Variants in PNPLA2 observed in about 807,000 individuals in gnomAD.
PNPLA2 encodes the protein patatin like domain 2, triacylglycerol lipase, also known as patatin-like phospholipase domain-containing protein 2.
PNPLA2 carries 28 observed loss-of-function variants against 39.7 expected under a neutral mutation model. The ratio of observed to expected loss-of-function variants is 0.70; its 90% CI spans 0.52 to 0.97. The LOEUF (loss-of-function observed/expected upper bound fraction) is 0.97, where lower values mean the gene tolerates loss of function less well. Ranked by LOEUF, PNPLA2 falls within the 50% of genes least tolerant of loss-of-function variation. PNPLA2 has a pLI of 0.00. For missense variants in PNPLA2, 768 were observed against 698.2 expected, an observed-to-expected ratio of 1.10 and a Z score of -1.13; for synonymous variants, 392 against 321.1, an observed-to-expected ratio of 1.22 and a Z score of -2.36.
Position 823,576 on chromosome 11 carries a change from T to C in PNPLA2, c.746T>C (p.Leu249Pro). 6.2e-7 allele frequency: 1 copy of C among 1,610,398 alleles called. No homozygotes were observed. Among genetic ancestry groups the C allele is most frequent in the African/African-American group, 1.3e-5 (1 of 74,912 alleles). The part of the protein sequence containing the change: ...KQGYRDGLRF[L>P]QRNGLLNRPN... ...GGATACCGGGATGGCCTGCGCTTTC[T>C]GCAGCGGAACGGTGCGCGGACCCGG... The change falls in exon 6 of 10, where the codon CTG becomes CCG. Residue 249 changes from leucine (L) to proline (P), a missense_variant. By Grantham distance (98) the Leu-to-Pro change is moderately conservative. Coordinates refer to ENST00000336615, the MANE Select transcript of PNPLA2 (RefSeq NM_020376.4).
At chr11:821,226 G>A (rs1186842793) in intron 2 of PNPLA2, 3 of 299,070 alleles carry the variant, frequency 1.0e-5, no homozygotes, top group South Asian at 3.2e-5. Flanking sequence ...CAACACTCCC[G>A]GGCCTGTGAA....
chr11:819,959 C>A, intron 2 of PNPLA2, 54 bp downstream of exon 2: 1 of 1,255,692 alleles, frequency 8.0e-7, no homozygotes, highest in Non-Finnish European at 1.0e-6. Context: ...CCGTGCGGGG[C>A]CGGGGGATGG....
At position 824,846 on chromosome 11, in the gene PNPLA2, G is replaced by A; in HGVS notation, c.1499G>A (p.Gly500Glu). 6.5e-7 allele frequency: 1 copy of A among 1,534,474 alleles called. No homozygotes were observed. The highest frequency in any genetic ancestry group is 8.7e-7 in the Non-Finnish European group (1 of 1,146,016). ...GCTCCCGAGGCCCGGCCCGTGATCG[G>A]GGCCCTGGGGCTGTGAGACCCCGAC... The part of the protein sequence containing the change: ...TPAPEARPVI[G>E]ALGL The change falls in exon 10 of 10, where the codon GGG (glycine) becomes GAG (glutamate). Residue 500 changes from glycine to glutamate, a missense_variant. By Grantham distance (98) the Gly-to-Glu change is moderately conservative. Coordinates refer to ENST00000336615, the MANE Select transcript of PNPLA2 (RefSeq NM_020376.4).
Position 824,761 on chromosome 11 carries a change from G to A in PNPLA2, c.1414G>A (p.Ala472Thr), listed in dbSNP as rs1845828094. 3 of 1,555,842 alleles carry A rather than the reference G, an allele frequency of 1.9e-6. No individual in the cohort carries two copies. Among genetic ancestry groups the A allele is most frequent in the Middle Eastern group, 1.7e-4 (1 of 5,982 alleles). The change falls in exon 10 of 10, where the codon GCG becomes ACG. Residue 472 changes from alanine (A) to threonine (T), a missense_variant. Transcript: ENST00000336615. ...RAPADPAPAP[A>T]DPASPQHQLA... The stretch of plus-strand genomic sequence containing the variant: ...ACCCGCCGACCCGGCTCCCGCCCCC[G>A]CGGACCCAGCATCCCCGCAGCACCA...
rs1246779693 is a variant in PNPLA2, at chr11:824,301, G to C, written c.1053-13G>C. The C allele has an allele frequency of 1.9e-6, 3 of 1,550,426 alleles. No homozygotes were observed. Among genetic ancestry groups the C allele is most frequent in the Middle Eastern group, 1.9e-4 (1 of 5,282 alleles). On this transcript the variant is annotated splice_polypyrimidine_tract_variant and intron_variant, in intron 8 of 9. Coordinates refer to ENST00000336615, the MANE Select transcript of PNPLA2 (RefSeq NM_020376.4). ...GGCCAAGTCCCTGAACGCGCCGCTC[G>C]CCCTGTCCCCAGCTTGCTGGAGTGG...
intron 4 of PNPLA2, 24 bp downstream of exon 4, chr11:822,047 C>T (rs1469570078): frequency 2.5e-6 from 4 of 1,606,498 alleles, no homozygotes; most frequent in Non-Finnish European, 3.4e-6. Flanking sequence ...GCCCTGGACA[C>T]CTTCTATGGG....
intron 2 of PNPLA2, 55 bp downstream of exon 2, chr11:819,960 CG>C: frequency 9.6e-7 from 1 of 1,044,408 alleles, no homozygotes. Flanking sequence ...CGTGCGGGGC[CG>C]GGGGATGGTC....
intron 7 of PNPLA2, 69 bp downstream of exon 7, chr11:823,924 AG>A: frequency 6.5e-7 from 1 of 1,547,280 alleles, no homozygotes; most frequent in South Asian, 1.2e-5. Flanking sequence ...GAGGACGGTG[AG>A]CAGGGGAGGG....
chr11:822,190 C>T, intron 4 of PNPLA2, 167 bp downstream of exon 4: 1 of 767,604 alleles, frequency 1.3e-6, no homozygotes, highest in Non-Finnish European at 2.2e-6. Flanking sequence ...GCTTCCTGGC[C>T]CCCCATCCCT....
chr11:819,640 C>T lies in PNPLA2; in HGVS notation c.-79C>T. On this transcript the variant is annotated 5_prime_UTR_variant, in exon 2 of 10. Coordinates refer to ENST00000336615, the MANE Select transcript of PNPLA2 (RefSeq NM_020376.4). ...AGCGGGACCTGCCCGGCCCCCGGCT[C>T]CAGCGAGCGAGCGGCGAGCAGGCGG... is the stretch of plus-strand genomic sequence containing the variant. 1 of 1,377,844 alleles carries T rather than the reference C, an allele frequency of 7.3e-7. No individual in the cohort carries two copies. Among genetic ancestry groups the T allele is most frequent in the Non-Finnish European group, 9.5e-7 (1 of 1,054,206 alleles). 85.4% of individuals were successfully genotyped at this position (1,377,844 alleles called of 1,614,324 possible). A position where few individuals can be genotyped will look rare whatever the true frequency, so the allele number is the denominator to read the frequency against.
Position 823,599 on chromosome 11 carries a change from C to CGGGCGGGAGA in PNPLA2, c.757+20_757+29dup. On this transcript the variant is annotated intron_variant, in intron 6 of 9. Coordinates refer to ENST00000336615, the MANE Select transcript of PNPLA2 (RefSeq NM_020376.4). ...TCTGCAGCGGAACGGTGCGCGGACC[C>CGGGCGGGAGA]GGGCGGGAGAGGGCGGGGTGGGCTC... The CGGGCGGGAGA allele has an allele frequency of 6.9e-7, 1 of 1,439,338 alleles. No individual in the cohort carries two copies. The allele number at this position is 1,439,338 out of a possible 1,614,324, so 89.2% of individuals were successfully genotyped here.
chr11:819,390 G>A (rs1294114246), intron 1 of PNPLA2, 184 bp from the exon 2 acceptor site: 1 of 978,070 alleles, frequency 1.0e-6, no homozygotes, highest in Non-Finnish European at 1.2e-6. Flanking sequence ...GCGGAGGGAG[G>A]GCAGAAGCTT....
chr11:821,347 TC>T (rs1845658564), intron 2 of PNPLA2: 1 of 543,266 alleles, frequency 1.8e-6, no homozygotes, highest in African/African-American at 1.9e-5. Flanking sequence ...TTCTGCCTTG[TC>T]CCCTCTCCTG....
In PNPLA2 at chr11:825,042, C is replaced by G; in HGVS notation, c.*180C>G. On this transcript the variant is annotated 3_prime_UTR_variant, in exon 10 of 10. Transcript: ENST00000336615. ...CCCCTCCCCTGGGCCGCTGAGGCCC[C>G]GCGCACCTGTGCCTTAATCTTCCCT... The G allele has an allele frequency of 1.5e-6, 1 of 651,046 alleles. No individual in the cohort carries two copies. Among genetic ancestry groups the G allele is most frequent in the Non-Finnish European group, 2.8e-6 (1 of 362,188 alleles). 40.3% of individuals were successfully genotyped at this position (651,046 alleles called of 1,614,324 possible). A position where few individuals can be genotyped will look rare whatever the true frequency, so the allele number is the denominator to read the frequency against.
At position 824,506 on chromosome 11, in the gene PNPLA2, G is replaced by T. The variant is rs1229758642; in HGVS notation, c.1176-17G>T. ...GCCGGGAGCTGAAGCCCTCCCTGCC[G>T]CATCCCTGCCCCGCAGGCTGCCGGA... On this transcript the variant is annotated splice_polypyrimidine_tract_variant and intron_variant, in intron 9 of 9. Coordinates refer to ENST00000336615, the MANE Select transcript of PNPLA2 (RefSeq NM_020376.4). 2 of 1,544,806 alleles carry T rather than the reference G, an allele frequency of 1.3e-6. No individual in the cohort carries two copies.
chr11:824,977 C>A lies in PNPLA2; in HGVS notation c.*115C>A. 1.2e-6 allele frequency: 1 copy of A among 823,148 alleles called. No homozygotes were observed. Among genetic ancestry groups the A allele is most frequent in the Non-Finnish European group, 1.9e-6 (1 of 531,156 alleles). The allele number at this position is 823,148 out of a possible 1,614,324, so 51.0% of individuals were successfully genotyped here. Reference sequence around the variant, plus strand: ...CTTTGCCGTGGGCCCCCTCGCCAGCCACTCACCAGCTGCATGCACTGAGAG... The same window carrying A: ...CTTTGCCGTGGGCCCCCTCGCCAGCAACTCACCAGCTGCATGCACTGAGAG... On this transcript the variant is annotated 3_prime_UTR_variant, in exon 10 of 10. Coordinates refer to ENST00000336615, the MANE Select transcript of PNPLA2 (RefSeq NM_020376.4).
Position 819,808 on chromosome 11 carries a change from C to G in PNPLA2, c.90C>G (p.Arg30=), listed in dbSNP as rs770324200. The G allele has an allele frequency of 8.6e-5, 130 of 1,503,420 alleles. No homozygotes were observed. Among genetic ancestry groups the G allele is most frequent in the Non-Finnish European group, 1.1e-4 (122 of 1,126,900 alleles). The allele number at this position is 1,503,420 out of a possible 1,614,324, so 93.1% of individuals were successfully genotyped here. ...VYYVGVASCL[R]EHAPFLVANA... ...ACGTCGGCGTGGCCTCCTGCCTCCG[C>G]GAGCACGCGCCCTTCCTGGTGGCCA... Residue 30 remains arginine (R), a synonymous_variant, in exon 2 of 10, where the codon CGC becomes CGG. Transcript: ENST00000336615.
At chr11:819,503 C>G in intron 1 of PNPLA2, 71 bp from the exon 2 acceptor site, 1 of 1,248,878 alleles carries the variant, frequency 8.0e-7, no homozygotes, top group Non-Finnish European at 1.0e-6. Context: ...CCCGATTGGT[C>G]TTCGTGTGCC....
intron 1 of PNPLA2, 110 bp from the exon 2 acceptor site, chr11:819,464 T>C (rs7928917): frequency 8.4e-7 from 1 of 1,194,034 alleles, no homozygotes; most frequent in East Asian, 3.7e-5. Flanking sequence ...CGGGGGCGGG[T>C]CCCGAGGGCA....
Sources: allele counts gnomAD v4.1 joint callset, GRCh38; gene constraint gnomAD v4.1.1; transcripts MANE v1.5; gene names NCBI Gene and HGNC (gene_info 2026-07-23, HGNC 2026-07-21).